Variants in SLC22A4 observed in about 807,000 individuals in gnomAD.
SLC22A4 encodes the protein ET transporter.
A neutral mutation model predicts 56.6 loss-of-function variants in SLC22A4; 39 were observed. That is an observed-to-expected ratio of 0.69 (90% CI 0.53 to 0.90). The LOEUF is 0.90. Among genes scored for constraint, SLC22A4 ranks in the 40% least tolerant of loss-of-function variants. The probability of loss-of-function intolerance (pLI) is 0.00; values close to 1 mark genes in which losing one functional copy is unlikely to be tolerated. For synonymous variants in SLC22A4, 241 were observed against 281.4 expected (o/e 0.86, Z 1.44); for missense variants, 594 against 696.5 (o/e 0.85, Z 1.66).
chr5:132,334,614 A>C, intron 6 of SLC22A4, 104 bp from the exon 7 acceptor site: 1 of 809,934 alleles, frequency 1.2e-6, no homozygotes, highest in Non-Finnish European at 2.2e-6. Context: ...CAATGAGGGT[A>C]GTGGCTACTT....
chr5:132,298,510 G>A (rs1749829316), intron 1 of SLC22A4, among the ~76,000 whole-genome samples: 1 of 152,120 alleles, frequency 6.6e-6, no homozygotes, highest in African/African-American at 2.4e-5. Context: ...TTTCAGTTTT[G>A]TAAGATGAAA....
chr5:132,311,882 C>T (rs2569268), intron 1 of SLC22A4: 3 of 517,666 alleles, frequency 5.8e-6, no homozygotes, highest in Non-Finnish European at 1.1e-5. Flanking sequence ...TGGCTTCTTG[C>T]TATGTAATGC....
chr5:132,340,784 G>A lies in SLC22A4; in HGVS notation c.1580+84G>A, dbSNP rs1751195121. The stretch of plus-strand genomic sequence containing the variant: ...GAATAGCTAGGAAGGTTCTGAAATA[G>A]AAGAGTAATAAGTAGAGACTAGCTC... On this transcript the variant is annotated intron_variant, in intron 9 of 9. Transcript: ENST00000200652. 5 of 1,324,996 alleles carry A rather than the reference G, an allele frequency of 3.8e-6. No homozygotes were observed. The Admixed American group carries it at 5.0e-5, about 13-fold the overall frequency. The allele number at this position is 1,324,996 out of a possible 1,614,324, so 82.1% of individuals were successfully genotyped here. A position where few individuals can be genotyped will look rare whatever the true frequency, so the allele number is the denominator to read the frequency against.
chr5:132,337,470 TTTTGCCAG>T (rs1343065337), intron 8 of SLC22A4, among the ~76,000 whole-genome samples: 1 of 151,512 alleles, frequency 6.6e-6, no homozygotes, highest in African/African-American at 2.4e-5. Context: ...AGAGACGGGA[TTTTGCCAG>T]TTTGCCCAGG....
chr5:132,295,071 C>G, intron 1 of SLC22A4, 62 bp downstream of exon 1: 3 of 1,533,308 alleles, frequency 2.0e-6, no homozygotes, highest in East Asian at 2.4e-5. Flanking sequence ...CGTCAGCCCC[C>G]CTTGAGACTC....
chr5:132,313,809 C>T (rs1487176834), intron 3 of SLC22A4, 41 bp downstream of exon 3: 2 of 1,593,776 alleles, frequency 1.3e-6, no homozygotes, highest in Non-Finnish European at 1.7e-6. Context: ...TCCCTCTAAC[C>T]CTCTGAAAGG....
intron 1 of SLC22A4, among the ~76,000 whole-genome samples, chr5:132,301,645 G>A (rs270612): frequency 0.72 from 109,204 of 152,186 alleles, 39,979 homozygotes; most frequent in African/African-American, 0.85. Context: ...CCCTGCTAAC[G>A]GGGAACTTCT....
At chr5:132,302,734 G>C (rs1453727803) in intron 1 of SLC22A4, among the ~76,000 whole-genome samples, 1 of 152,168 alleles carries the variant, frequency 6.6e-6, no homozygotes, top group Non-Finnish European at 1.5e-5. Context: ...AGCTGTGGTG[G>C]ATCCATTGTC....
chr5:132,342,529 A>C (rs1751250982), intron 9 of SLC22A4, among the ~76,000 whole-genome samples: 1 of 152,088 alleles, frequency 6.6e-6, no homozygotes, highest in Non-Finnish European at 1.5e-5. Context: ...TTAGCATCAG[A>C]CTCCACAGGT....
At chr5:132,304,642 G>A (rs1749983425) in intron 1 of SLC22A4, among the ~76,000 whole-genome samples, 1 of 152,012 alleles carries the variant, frequency 6.6e-6, no homozygotes, top group Non-Finnish European at 1.5e-5. Context: ...GAAAGATCAG[G>A]GAAATGGGGG....
intron 1 of SLC22A4, among the ~76,000 whole-genome samples, chr5:132,301,997 G>A (rs1326345694): frequency 6.6e-6 from 1 of 152,234 alleles, no homozygotes; most frequent in Non-Finnish European, 1.5e-5. Context: ...AGCCCGGCGA[G>A]ACTTCTATTT....
chr5:132,323,277 T>G (rs1580836363), intron 4 of SLC22A4, among the ~76,000 whole-genome samples: 1 of 152,228 alleles, frequency 6.6e-6, no homozygotes, highest in African/African-American at 2.4e-5. Flanking sequence ...GAACTCACAA[T>G]TTAGACTAGA....
Position 132,294,783 on chromosome 5 carries a change from C to G in SLC22A4, c.167C>G (p.Ala56Gly), listed in dbSNP as rs1245940397. 1.9e-6 allele frequency: 3 copies of G among 1,613,244 alleles called. No homozygotes were observed. Among genetic ancestry groups the G allele is most frequent in the Admixed American group, 1.7e-5 (1 of 59,998 alleles). Residue 56 changes from alanine to glycine, a missense_variant, in exon 1 of 10, where the codon GCG becomes GGG. Transcript: ENST00000200652. The surrounding 1 kb of genome is among the most constrained non-coding windows in gnomAD (Gnocchi z 5.6). ...PEHRCRVPDA[A>G]NLSSAWRNNS... ...CACCGCTGTCGAGTGCCGGACGCCG[C>G]GAACCTGAGCAGCGCCTGGCGCAAC...
At chr5:132,309,818 C>T (rs748834994) in intron 1 of SLC22A4, among the ~76,000 whole-genome samples, 4 of 152,274 alleles carry the variant, frequency 2.6e-5, no homozygotes, top group African/African-American at 4.8e-5. Flanking sequence ...CAATGCCTGG[C>T]TCCACATCTA....
intron 6 of SLC22A4, 35 bp from the exon 7 acceptor site, chr5:132,334,683 A>C: frequency 6.9e-7 from 1 of 1,458,126 alleles, no homozygotes; most frequent in South Asian, 1.1e-5. Flanking sequence ...AGCGATTCAC[A>C]CCATCCCTTT....
At chr5:132,336,651 CCTT>C (rs1268703155) in intron 8 of SLC22A4, among the ~76,000 whole-genome samples, 1 of 152,108 alleles carries the variant, frequency 6.6e-6, no homozygotes, top group Non-Finnish European at 1.5e-5. Context: ...TGCTCCTTTA[CCTT>C]CTTTTTAAAT....
intron 5 of SLC22A4, among the ~76,000 whole-genome samples, chr5:132,328,967 G>A (rs1445641595): frequency 6.7e-6 from 1 of 149,590 alleles, no homozygotes; most frequent in African/African-American, 2.5e-5. Flanking sequence ...GAGTCTCACT[G>A]TTTTGCTCAG....
At position 132,343,931 on chromosome 5, in the gene SLC22A4, T is replaced by A. The variant is rs148289043; in HGVS notation, c.*96T>A. The A allele has an allele frequency of 1.3e-6, 1 of 747,914 alleles. No homozygotes were observed. Among genetic ancestry groups the A allele is most frequent in the East Asian group, 2.6e-5 (1 of 38,664 alleles). 46.3% of individuals were successfully genotyped at this position (747,914 alleles called of 1,614,324 possible). A position where few individuals can be genotyped will look rare whatever the true frequency, so the allele number is the denominator to read the frequency against. On this transcript the variant is annotated 3_prime_UTR_variant, in exon 10 of 10. Coordinates refer to ENST00000200652, the MANE Select transcript of SLC22A4 (RefSeq NM_003059.3). The stretch of plus-strand genomic sequence containing the variant: ...CACTGAAATGGACTGACTGTAACGA[T>A]TGACACCAAAATGAACCTTGCTATC...
chr5:132,325,418 G>A (rs1263775373), intron 4 of SLC22A4, among the ~76,000 whole-genome samples: 7 of 152,054 alleles, frequency 4.6e-5, no homozygotes, highest in Admixed American at 6.6e-5. Flanking sequence ...AGTTTCTATC[G>A]GACAGCACAG....
Sources: allele counts gnomAD v4.1 joint callset (sites outside exome capture counted in the v4.1 genomes callset), GRCh38; gene constraint gnomAD v4.1.1; non-coding constraint Gnocchi (gnomAD v3.1); transcripts MANE v1.5; gene names NCBI Gene and HGNC (gene_info 2026-07-23, HGNC 2026-07-21).